The following ATP11A variants were observed in gnomAD, a reference collection of about 807,000 sequenced individuals.
ATP11A encodes the protein ATPase phospholipid transporting 11A, also known as phospholipid-transporting ATPase IH.
In ATP11A, 81 loss-of-function variants were observed where a neutral mutation model predicts 154.4. The ratio of observed to expected loss-of-function variants is 0.52; its 90% CI spans 0.44 to 0.63. The LOEUF is 0.63. Among genes scored for constraint, ATP11A ranks in the 30% least tolerant of loss-of-function variants. The probability of loss-of-function intolerance (pLI) is 0.00; values close to 1 mark genes in which losing one functional copy is unlikely to be tolerated. For missense variants in ATP11A, 1,316 were observed against 1,474.3 expected, an observed-to-expected ratio of 0.89 and a Z score of 1.76; for synonymous variants, 623 against 585.9, an observed-to-expected ratio of 1.06 and a Z score of -0.91.
intron 1 of ATP11A, among the ~76,000 whole-genome samples, chr13:112,728,250 T>C (rs1481964143): frequency 6.6e-6 from 1 of 152,100 alleles, no homozygotes; most frequent in Non-Finnish European, 1.5e-5. Flanking sequence ...CATGAGACCA[T>C]GCGGCCCACC....
At chr13:112,844,731 G>A (rs1181471431) in intron 17 of ATP11A, among the ~76,000 whole-genome samples, 1 of 133,608 alleles carries the variant, frequency 7.5e-6, no homozygotes, top group Non-Finnish European at 1.6e-5. Context: ...GCTAGTCCAA[G>A]TACCTCTAGC....
rs140220944 is a variant in ATP11A at position 112,734,645 on chromosome 13, A to G, written c.39+44190A>G. On this transcript the variant is annotated intron_variant, in intron 1 of 29. Coordinates refer to ENST00000375645, the MANE Select transcript of ATP11A (RefSeq NM_015205.3). The stretch of plus-strand genomic sequence containing the variant: ...TGACCCAATGCTTTCACACTCCTGT[A>G]CTTTTCATAAATTAGTGGTTTTCAA... 7.2e-3 allele frequency among the ~76,000 whole-genome samples: 1,099 copies of G among 152,336 alleles called. 10 individuals carry two copies. The highest frequency in any genetic ancestry group is 0.012 in the Non-Finnish European group (787 of 68,038).
rs756603765 is a variant in ATP11A at position 112,807,018 on chromosome 13, G to A, written c.333+725G>A. ...GTCCCCTGCACATACCTGGCATTTT[G>A]TGTATCACGCGTCCTCTGTGGATGG... On this transcript the variant is annotated intron_variant, in intron 4 of 29. Coordinates refer to ENST00000375645, the MANE Select transcript of ATP11A (RefSeq NM_015205.3). The surrounding 1 kb of genome is among the most constrained non-coding windows in gnomAD (Gnocchi z 4.5). Among the ~76,000 whole-genome samples the A allele has an allele frequency of 6.6e-6, 1 of 152,240 alleles. No individual in the cohort carries two copies. The highest frequency in any genetic ancestry group is 1.5e-5 in the Non-Finnish European group (1 of 68,044).
intron 29 of ATP11A, 82 bp from the exon 30 acceptor site, chr13:112,881,794 A>G (rs1233142014): frequency 5.1e-6 from 7 of 1,365,194 alleles, no homozygotes; most frequent in Admixed American, 1.9e-5. Context: ...GAGACTGACC[A>G]TGTGTCTCGT....
chr13:112,815,218 C>T (rs1158485203), intron 5 of ATP11A, among the ~76,000 whole-genome samples: 1 of 152,196 alleles, frequency 6.6e-6, no homozygotes, highest in Admixed American at 6.5e-5. Context: ...CCTCACCCTT[C>T]AGACACACAG....
At chr13:112,823,283 GC>G in intron 8 of ATP11A, 61 bp from the exon 9 acceptor site, 2 of 1,311,690 alleles carry the variant, frequency 1.5e-6, no homozygotes, top group Non-Finnish European at 1.1e-6. Flanking sequence ...TCTGCCTCTT[GC>G]CCCCCGCCCT....
chr13:112,691,995 C>T (rs1295013739), intron 1 of ATP11A, among the ~76,000 whole-genome samples: 1 of 152,172 alleles, frequency 6.6e-6, no homozygotes, highest in Non-Finnish European at 1.5e-5. Context: ...TACTCCCTCA[C>T]TGGTGCTCGA....
In ATP11A at chr13:112,825,572, A is replaced by T. The variant is rs200249023; in HGVS notation, c.1015A>T (p.Arg339Trp). 203 of 1,612,704 alleles carry T rather than the reference A, an allele frequency of 1.3e-4. No individual in the cohort carries two copies. Among genetic ancestry groups the T allele is most frequent in the Non-Finnish European group, 1.7e-4 (198 of 1,179,490 alleles). ...YNQKTESERQ[R>W]NLFLKAFTDF... ...TCAGAAAACGGAGTCGGAAAGGCAG[A>T]GGAATCTGGTATGGAGAATCACTGC... Residue 339 changes from arginine to tryptophan, a missense_variant, in exon 11 of 30, where the codon AGG becomes TGG. Arg to Trp is a moderately radical substitution (Grantham distance 101). This residue lies in a region of ATP11A where 876 missense variants were observed against 1,006.8 expected (regional missense o/e 0.87). Transcript: ENST00000375645.
rs1379018655 is a variant in ATP11A at position 112,826,805 on chromosome 13, A to G, written c.1135A>G (p.Ile379Val). 42 of 1,614,022 alleles carry G rather than the reference A, an allele frequency of 2.6e-5. No individual in the cohort carries two copies. The Admixed American group carries it at 6.8e-4, about 26-fold the overall frequency. ...EMQKFLGSYF[I>V]TWDEDMFDEE... is the part of the protein sequence containing the mutation. Reference sequence around the variant, plus strand: ...GCAGAAGTTCCTCGGCTCTTACTTCATCACCTGGGACGAAGACATGTTTGA... The same window carrying G: ...GCAGAAGTTCCTCGGCTCTTACTTCGTCACCTGGGACGAAGACATGTTTGA... Residue 379 changes from isoleucine to valine, a missense_variant, in exon 12 of 30, where the codon ATC (isoleucine) becomes GTC (valine). Physicochemically the swap from Ile to Val is conservative, Grantham distance 29. This residue lies in a region of ATP11A where 876 missense variants were observed against 1,006.8 expected (regional missense o/e 0.87). Coordinates refer to ENST00000375645, the MANE Select transcript of ATP11A (RefSeq NM_015205.3).
chr13:112,723,186 T>A (rs1889392817), intron 1 of ATP11A, among the ~76,000 whole-genome samples: 1 of 151,262 alleles, frequency 6.6e-6, no homozygotes, highest in African/African-American at 2.4e-5. Context: ...CTGGTTTTTT[T>A]TCTTCGATCC....
chr13:112,787,472 T>G (rs71446643), intron 2 of ATP11A, among the ~76,000 whole-genome samples: 32,654 of 79,124 alleles, frequency 0.41, 6,959 homozygotes, highest in Middle Eastern at 0.57. Context: ...CCCCTGTGGA[T>G]ACCTACTTAA....
intron 1 of ATP11A, among the ~76,000 whole-genome samples, chr13:112,704,270 T>G (rs282578): frequency 1.3e-5 from 2 of 152,094 alleles, no homozygotes. Flanking sequence ...GCCCAGTTGT[T>G]GTACGCACAA....
intron 17 of ATP11A, among the ~76,000 whole-genome samples, chr13:112,844,696 C>G (rs536299234): frequency 2.3e-4 from 35 of 150,892 alleles, no homozygotes; most frequent in Middle Eastern, 3.4e-3. Context: ...AGTTGCCGAG[C>G]ACTAGCGGTA....
chr13:112,814,605 G>A (rs1415359861), intron 5 of ATP11A, among the ~76,000 whole-genome samples: 1 of 152,140 alleles, frequency 6.6e-6, no homozygotes, highest in East Asian at 1.9e-4. Flanking sequence ...TGCACCAGGG[G>A]ATGGCTGGCT....
chr13:112,801,599 G>C (rs566373823), intron 2 of ATP11A, among the ~76,000 whole-genome samples: 1 of 152,356 alleles, frequency 6.6e-6, no homozygotes, highest in Admixed American at 6.5e-5. Flanking sequence ...TTATAGCATG[G>C]TTGCAGGATG....
intron 21 of ATP11A, 109 bp downstream of exon 21, chr13:112,858,029 C>A: frequency 6.4e-7 from 1 of 1,559,302 alleles, no homozygotes; most frequent in Non-Finnish European, 8.8e-7. Flanking sequence ...CGTCACCACC[C>A]TCGTGTGTGA....
At chr13:112,751,031 C>T (rs1396364716) in intron 1 of ATP11A, among the ~76,000 whole-genome samples, 3 of 152,332 alleles carry the variant, frequency 2.0e-5, no homozygotes, top group East Asian at 1.9e-4. Context: ...AACACGTAGA[C>T]GGCTGCCCAC....
intron 1 of ATP11A, among the ~76,000 whole-genome samples, chr13:112,761,026 G>A (rs368665777): frequency 6.6e-6 from 1 of 152,094 alleles, no homozygotes; most frequent in African/African-American, 2.4e-5. Flanking sequence ...CACCCTTCTG[G>A]GGAGCGTGGT....
In ATP11A at chr13:112,854,924, G is replaced by A. The variant is rs78250662; in HGVS notation, c.2243+394G>A. ...AGATATTAATAATGCATGGTTGTTC[G>A]TCTAAGACGAAGCAGTACATGCCCA... is the stretch of plus-strand genomic sequence containing the variant. On this transcript the variant is annotated intron_variant, in intron 19 of 29. Transcript: ENST00000375645. Among the ~76,000 whole-genome samples the A allele has an allele frequency of 8.3e-3, 1,268 of 152,330 alleles. 18 individuals are homozygous for A. Among genetic ancestry groups the A allele is most frequent in the African/African-American group, 0.029 (1,209 of 41,564 alleles).
Sources: gnomAD v4.1 joint callset for allele counts (sites outside exome capture counted in the v4.1 genomes callset) on GRCh38, gnomAD v4.1.1 for gene constraint, gnomAD v4.1.1 regional missense constraint, Gnocchi (gnomAD v3.1) non-coding constraint, MANE v1.5 for transcripts, NCBI Gene and HGNC (gene_info 2026-07-23, HGNC 2026-07-21) for gene names.